ALDH18A1: variants seen among roughly 807,000 people sequenced by gnomAD.
The protein encoded by ALDH18A1 is delta-1-pyrroline-5-carboxylate synthase.
Under a neutral mutation model 88.8 loss-of-function variants are expected in ALDH18A1, and 44 were observed. The observed-to-expected ratio is 0.50, with a 90% CI of 0.39 to 0.64. The LOEUF is 0.64. ALDH18A1 is among the 30% of genes least tolerant of loss of function. The probability of loss-of-function intolerance (pLI) is 0.00; values close to 1 mark genes in which losing one functional copy is unlikely to be tolerated. For missense variants in ALDH18A1, 782 were observed against 1,009.5 expected (o/e 0.77, Z 3.05); for synonymous variants, 331 against 372.1 (o/e 0.89, Z 1.27).
At chr10:95,632,417 G>A (rs908595560) in intron 7 of ALDH18A1, among the ~76,000 whole-genome samples, 1 of 152,182 alleles carries the variant, frequency 6.6e-6, no homozygotes, top group Non-Finnish European at 1.5e-5. Flanking sequence ...CCAGGCTGGA[G>A]TGCAGTGGCA....
At chr10:95,612,469 A>G (rs565826292) in intron 15 of ALDH18A1, among the ~76,000 whole-genome samples, 1 of 152,278 alleles carries the variant, frequency 6.6e-6, no homozygotes, top group Non-Finnish European at 1.5e-5. Context: ...TCAAGTTATA[A>G]GTGGTGTCTG....
rs1229560784 is a variant in ALDH18A1, at chr10:95,613,891, T to G, written c.1802-28A>C. Reference sequence around the variant, plus strand: ...GAAAGAAGATGAGCAAAGAATTGTTTCCATTGACATGATCCAGAGCTGCAG... The same window carrying G: ...GAAAGAAGATGAGCAAAGAATTGTTGCCATTGACATGATCCAGAGCTGCAG... On this transcript the variant is annotated intron_variant, in intron 14 of 17. Coordinates refer to ENST00000371224, the MANE Select transcript of ALDH18A1 (RefSeq NM_002860.4). The G allele has an allele frequency of 3.1e-6, 5 of 1,614,168 alleles. No individual in the cohort carries two copies. The Admixed American group carries it at 8.3e-5, about 27-fold the overall frequency.
chr10:95,646,859 C>T (rs941705922), intron 2 of ALDH18A1, among the ~76,000 whole-genome samples: 2 of 152,048 alleles, frequency 1.3e-5, no homozygotes, highest in Non-Finnish European at 2.9e-5. Context: ...TTAAGGGCCA[C>T]GGATTATACT....
chr10:95,632,491 G>C (rs1330503286), intron 7 of ALDH18A1, among the ~76,000 whole-genome samples: 2 of 152,168 alleles, frequency 1.3e-5, no homozygotes, highest in African/African-American at 4.8e-5. Flanking sequence ...TCAGCCCCGA[G>C]TAGCTGGAAC....
chr10:95,646,812 G>A (rs1193104800), intron 2 of ALDH18A1, among the ~76,000 whole-genome samples: 2 of 152,084 alleles, frequency 1.3e-5, no homozygotes, highest in Non-Finnish European at 2.9e-5. Context: ...TACAGATGTG[G>A]CATGGTGGGG....
intron 16 of ALDH18A1, among the ~76,000 whole-genome samples, chr10:95,610,879 C>T (rs188376308): frequency 1.3e-5 from 2 of 152,226 alleles, no homozygotes; most frequent in Non-Finnish European, 2.9e-5. Flanking sequence ...CAGGAGTGTC[C>T]CTGCATACAT....
chr10:95,607,013 C>A, intron 17 of ALDH18A1, 70 bp from the exon 18 acceptor site: 1 of 1,507,284 alleles, frequency 6.6e-7, no homozygotes, highest in East Asian at 2.3e-5. Flanking sequence ...CCCAGACCCA[C>A]CCTGCTGCTT....
chr10:95,626,591 T>C lies in ALDH18A1; in HGVS notation c.1152+112A>G, dbSNP rs552640196. 2.0e-5 allele frequency: 20 copies of C among 998,084 alleles called. No homozygotes were observed. The South Asian group carries it at 2.7e-4, about 13-fold the overall frequency. 61.8% of individuals were successfully genotyped at this position (998,084 alleles called of 1,614,324 possible). A position where few individuals can be genotyped will look rare whatever the true frequency, so the allele number is the denominator to read the frequency against. ...ATTTGAATCAGACTTGTAACTCAGA[T>C]AACTCTGTGGCTCACTAGGAATAAA... On this transcript the variant is annotated intron_variant, in intron 10 of 17. Coordinates refer to ENST00000371224, the MANE Select transcript of ALDH18A1 (RefSeq NM_002860.4).
rs371815111 is a variant in ALDH18A1, at chr10:95,637,444, T to C, written c.304-8A>G. 1.8e-5 allele frequency: 29 copies of C among 1,614,056 alleles called. No homozygotes were observed. The highest frequency in any genetic ancestry group is 2.4e-5 in the Non-Finnish European group (28 of 1,180,020). On this transcript the variant is annotated splice_polypyrimidine_tract_variant and splice_region_variant and intron_variant, in intron 3 of 17. Coordinates refer to ENST00000371224, the MANE Select transcript of ALDH18A1 (RefSeq NM_002860.4). ...ATTCTGCAGCACTGATACCTGGGCA[T>C]TGAGAAAGGAAAGGGGACTGTAAGT...
At position 95,612,184 on chromosome 10, in the gene ALDH18A1, T is replaced by C. The variant is rs117252234; in HGVS notation, c.1924-742A>G. On this transcript the variant is annotated intron_variant, in intron 15 of 17. Transcript: ENST00000371224. ...CCCTAGCGAAGTCCCAGGTTTGCTT[T>C]AGAGGTAAGCAGTACTTGGTCAGGT... 1.6e-3 allele frequency among the ~76,000 whole-genome samples: 248 copies of C among 152,340 alleles called. 4 individuals are homozygous for C. The East Asian group carries it at 0.042, about 26-fold the overall frequency.
rs1161075648 is a variant in ALDH18A1, at chr10:95,621,110, T to C, written c.1388A>G (p.Asn463Ser). ...RVLRRTRIAK[N>S]LELEQVTVPI... Reference sequence around the variant, plus strand: ...GACAGTCACTTGTTCCAGTTCCAAGTTTTTGGCGATTCGGGTGCGGCGCAA... The same window carrying C: ...GACAGTCACTTGTTCCAGTTCCAAGCTTTTGGCGATTCGGGTGCGGCGCAA... The change falls in exon 12 of 18, where the codon AAC becomes AGC. Residue 463 changes from asparagine (N) to serine (S), a missense_variant. Transcript: ENST00000371224. The C allele has an allele frequency of 1.2e-6, 2 of 1,614,014 alleles. No individual in the cohort carries two copies. The highest frequency in any genetic ancestry group is 1.7e-6 in the Non-Finnish European group (2 of 1,180,002).
At chr10:95,630,037 T>C (rs1347723848) in intron 7 of ALDH18A1, among the ~76,000 whole-genome samples, 3 of 152,178 alleles carry the variant, frequency 2.0e-5, no homozygotes, top group Non-Finnish European at 2.9e-5. Flanking sequence ...AAGCACTTGC[T>C]ATGTGACTTC....
chr10:95,614,023 C>T lies in ALDH18A1; in HGVS notation c.1744G>A (p.Gly582Arg). The T allele has an allele frequency of 6.2e-7, 1 of 1,614,198 alleles. No homozygotes were observed. The highest frequency in any genetic ancestry group is 1.1e-5 in the South Asian group (1 of 91,080). ...KGIPVMGHSE[G>R]ICHMYVDSEA... ...GAATCCACATACATGTGACAGATCC[C>T]TTCGCTGTGCCCCATCACTGGAATC... Residue 582 changes from glycine to arginine, a missense_variant, in exon 14 of 18, where the codon GGG becomes AGG. Transcript: ENST00000371224.
Position 95,616,535 on chromosome 10 carries a change from A to G in ALDH18A1, c.1547T>C (p.Leu516Pro). 6.3e-7 allele frequency: 1 copy of G among 1,588,876 alleles called. No homozygotes were observed. The highest frequency in any genetic ancestry group is 8.6e-7 in the Non-Finnish European group (1 of 1,166,894). ...GAGAGCCTCCTGGGTCAGGAGGTGGAGAATCCGGTTGCTGTGTGCAGCCTC... is the reference window on the plus strand; with the variant it reads ...GAGAGCCTCCTGGGTCAGGAGGTGGGGAATCCGGTTGCTGTGTGCAGCCTC... ...GKEAAHSNRI[L>P]HLLTQEALSI... is the part of the protein sequence containing the mutation. The change falls in exon 13 of 18, where the codon CTC (leucine) becomes CCC (proline). Residue 516 changes from leucine to proline, a missense_variant. Leu to Pro is a moderately conservative substitution (Grantham distance 98, BLOSUM62 -3). Around this residue, in one of 3 missense-constraint regions of ALDH18A1, gnomAD observed 556 missense variants for 654.5 expected, o/e 0.85. Coordinates refer to ENST00000371224, the MANE Select transcript of ALDH18A1 (RefSeq NM_002860.4).
chr10:95,632,808 TGA>T, intron 7 of ALDH18A1, 149 bp downstream of exon 7: 1 of 709,698 alleles, frequency 1.4e-6, no homozygotes, highest in East Asian at 2.7e-5. Context: ...CACCCTGTTT[TGA>T]GTCATAAAAG....
At chr10:95,618,228 C>T (rs1042816069) in intron 12 of ALDH18A1, among the ~76,000 whole-genome samples, 3 of 152,140 alleles carry the variant, frequency 2.0e-5, no homozygotes, top group African/African-American at 4.8e-5. Context: ...TCTAATGACA[C>T]CTTGTATTTC....
chr10:95,649,001 G>A (rs1192507310), intron 2 of ALDH18A1, among the ~76,000 whole-genome samples: 1 of 152,190 alleles, frequency 6.6e-6, no homozygotes, highest in South Asian at 2.1e-4. Context: ...ATAGGAAAGA[G>A]ATTTTTCTGT....
intron 12 of ALDH18A1, among the ~76,000 whole-genome samples, chr10:95,619,118 A>G (rs995887500): frequency 6.6e-6 from 1 of 152,230 alleles, no homozygotes; most frequent in Non-Finnish European, 1.5e-5. Context: ...ATCAATGTGC[A>G]AAAATCACAA....
At chr10:95,649,278 G>A (rs950732083) in intron 2 of ALDH18A1, among the ~76,000 whole-genome samples, 1 of 152,030 alleles carries the variant, frequency 6.6e-6, no homozygotes, top group Admixed American at 6.5e-5. Context: ...CAGGTTGGGA[G>A]GTCAAGGTGG....
Sources: gnomAD v4.1 joint callset for allele counts (sites outside exome capture counted in the v4.1 genomes callset) on GRCh38, gnomAD v4.1.1 for gene constraint, gnomAD v4.1.1 regional missense constraint, MANE v1.5 for transcripts, NCBI Gene and HGNC (gene_info 2026-07-23, HGNC 2026-07-21) for gene names.